KCNB2: variants seen among roughly 807,000 people sequenced by gnomAD.
The protein encoded by KCNB2 is potassium voltage-gated channel subfamily B member 2.
Under a neutral mutation model 61.5 loss-of-function variants are expected in KCNB2, and 15 were observed. The ratio of observed to expected loss-of-function variants is 0.24; its 90% confidence interval spans 0.16 to 0.38. The LOEUF (loss-of-function observed/expected upper bound fraction) is 0.38. KCNB2 is among the 10% of genes least tolerant of loss of function. The pLI is 1.00. For synonymous variants in KCNB2, 457 were observed against 446.0 expected, an observed-to-expected ratio of 1.02 and a Z score of -0.31; for missense variants, 828 against 1,125.2, an observed-to-expected ratio of 0.74 and a Z score of 3.78.
intron 2 of KCNB2, among the ~76,000 whole-genome samples, chr8:72,647,392 T>C (rs181097289): frequency 2.0e-5 from 3 of 152,234 alleles, no homozygotes. Context: ...ATCTGTGAAG[T>C]TTGCTAGAAC....
chr8:72,814,004 C>A (rs1298389659), intron 2 of KCNB2, among the ~76,000 whole-genome samples: 1 of 152,172 alleles, frequency 6.6e-6, no homozygotes, highest in Non-Finnish European at 1.5e-5. Flanking sequence ...TATCCCTCCC[C>A]CTACAACCCA....
intron 2 of KCNB2, among the ~76,000 whole-genome samples, chr8:72,808,796 A>G (rs1429070959): frequency 6.6e-6 from 1 of 152,144 alleles, no homozygotes; most frequent in Non-Finnish European, 1.5e-5. Context: ...TCATGTCCTA[A>G]GGGAACCTTC....
At chr8:72,679,493 A>G (rs763506593) in intron 2 of KCNB2, among the ~76,000 whole-genome samples, 12 of 152,214 alleles carry the variant, frequency 7.9e-5, no homozygotes, top group Non-Finnish European at 1.8e-4. Context: ...ATCAGAGGAG[A>G]GCAACATGCA....
chr8:72,553,438 C>A (rs1160112903), intron 1 of KCNB2, among the ~76,000 whole-genome samples: 2 of 152,096 alleles, frequency 1.3e-5, no homozygotes, highest in Non-Finnish European at 2.9e-5. Flanking sequence ...AAGAGTCTAT[C>A]TTTACTCCTT....
At position 72,745,120 on chromosome 8, in the gene KCNB2, C is replaced by G. The variant is rs188894678; in HGVS notation, c.579+176807C>G. ...GTTGGGATCCCTCCACCTCCCTGAT[C>G]CAGAGAGAACTGGTGCCAACTACCC... On this transcript the variant is annotated intron_variant, in intron 2 of 2. Transcript: ENST00000523207. Among the ~76,000 whole-genome samples the G allele has an allele frequency of 1.9e-3, 288 of 152,290 alleles. 1 individual carries two copies. The highest frequency in any genetic ancestry group is 3.2e-3 in the Non-Finnish European group (220 of 68,024).
intron 2 of KCNB2, among the ~76,000 whole-genome samples, chr8:72,580,095 T>C (rs1806867724): frequency 6.6e-6 from 1 of 152,204 alleles, no homozygotes; most frequent in African/African-American, 2.4e-5. Flanking sequence ...GTCACTATTT[T>C]CTGCTCCATG....
chr8:72,826,285 G>A (rs972581696), intron 2 of KCNB2, among the ~76,000 whole-genome samples: 10 of 152,264 alleles, frequency 6.6e-5, no homozygotes, highest in African/African-American at 2.2e-4. Context: ...AGGAACTGCC[G>A]ATTATCAACA....
chr8:72,600,450 C>T (rs1471649579), intron 2 of KCNB2, among the ~76,000 whole-genome samples: 4 of 151,106 alleles, frequency 2.6e-5, no homozygotes, highest in Admixed American at 6.6e-5. Context: ...TTGTGGGGTG[C>T]GGGGAGAGGG....
intron 2 of KCNB2, among the ~76,000 whole-genome samples, chr8:72,708,271 G>T (rs1468772770): frequency 1.3e-5 from 2 of 151,818 alleles, no homozygotes; most frequent in African/African-American, 2.4e-5. Context: ...AAGAAATGTG[G>T]CTTCTTATGA....
At chr8:72,824,793 A>G (rs1157347309) in intron 2 of KCNB2, among the ~76,000 whole-genome samples, 6 of 152,140 alleles carry the variant, frequency 3.9e-5, no homozygotes, top group African/African-American at 1.4e-4. Flanking sequence ...GAAGAGAGAG[A>G]GTGGATGGGA....
chr8:72,600,964 C>A (rs561157965), intron 2 of KCNB2, among the ~76,000 whole-genome samples: 1 of 151,762 alleles, frequency 6.6e-6, no homozygotes, highest in East Asian at 1.9e-4. Flanking sequence ...GTATAACAAA[C>A]CTGCACATGT....
intron 2 of KCNB2, among the ~76,000 whole-genome samples, chr8:72,652,181 G>C (rs1326001816): frequency 6.6e-6 from 1 of 152,046 alleles, no homozygotes; most frequent in East Asian, 1.9e-4. Flanking sequence ...TCAACTGCTA[G>C]AATATTGGTA....
chr8:72,657,939 C>T (rs1451357258), intron 2 of KCNB2, among the ~76,000 whole-genome samples: 1 of 152,108 alleles, frequency 6.6e-6, no homozygotes. Flanking sequence ...GTCCTGACTG[C>T]TCCATCGATC....
At chr8:72,839,884 A>T (rs1809850363) in intron 2 of KCNB2, among the ~76,000 whole-genome samples, 1 of 150,850 alleles carries the variant, frequency 6.6e-6, no homozygotes, top group Non-Finnish European at 1.5e-5. Context: ...AAGTGCTGGG[A>T]TTACAGGCGT....
chr8:72,900,012 A>G (rs867373034), intron 2 of KCNB2, among the ~76,000 whole-genome samples: 2 of 152,102 alleles, frequency 1.3e-5, no homozygotes, highest in South Asian at 2.1e-4. Flanking sequence ...TCAAAACAAA[A>G]CAAAACAAAA....
chr8:72,580,360 C>T (rs1009408127), intron 2 of KCNB2, among the ~76,000 whole-genome samples: 1 of 152,160 alleles, frequency 6.6e-6, no homozygotes, highest in African/African-American at 2.4e-5. Flanking sequence ...ACACTAATGC[C>T]ATATTGATAT....
At chr8:72,931,369 G>C (rs546827941) in intron 2 of KCNB2, among the ~76,000 whole-genome samples, 1 of 152,228 alleles carries the variant, frequency 6.6e-6, no homozygotes, top group South Asian at 2.1e-4. Flanking sequence ...ATGGCATTGA[G>C]TCTATAAATT....
intron 2 of KCNB2, among the ~76,000 whole-genome samples, chr8:72,629,850 G>T (rs1805851964): frequency 6.6e-6 from 1 of 152,192 alleles, no homozygotes; most frequent in South Asian, 2.1e-4. Flanking sequence ...TATCAATTCA[G>T]TAAGCACACA....
intron 2 of KCNB2, among the ~76,000 whole-genome samples, chr8:72,794,295 G>T (rs1315189297): frequency 6.6e-6 from 1 of 152,118 alleles, no homozygotes; most frequent in African/African-American, 2.4e-5. Context: ...GGCCGGACAC[G>T]GTGGCTCACG....
Sources: gnomAD v4.1 joint callset for allele counts (sites outside exome capture counted in the v4.1 genomes callset) on GRCh38, gnomAD v4.1.1 for gene constraint, MANE v1.5 for transcripts, NCBI Gene and HGNC (gene_info 2026-07-23, HGNC 2026-07-21) for gene names.